Variants in DLG5 observed in about 807,000 individuals in gnomAD.
DLG5 encodes the protein discs large MAGUK scaffold protein 5.
A neutral mutation model predicts 189.8 loss-of-function variants in DLG5; 48 were observed. That is an observed-to-expected ratio of 0.25 (90% CI 0.20 to 0.32). The LOEUF is 0.32. Among genes scored for constraint, DLG5 ranks in the 10% least tolerant of loss-of-function variants. DLG5 has a pLI of 1.00. For missense variants in DLG5, 2,160 were observed against 2,544.7 expected (o/e 0.85, Z 3.25); for synonymous variants, 1,016 against 1,054.1 (o/e 0.96, Z 0.70).
At chr10:77,897,291 G>A (rs541380329) in intron 1 of DLG5, among the ~76,000 whole-genome samples, 1 of 152,072 alleles carries the variant, frequency 6.6e-6, no homozygotes, top group East Asian at 1.9e-4. Context: ...GGGAGGCGAA[G>A]GTTGCAGTGA....
At chr10:77,824,567 G>C in intron 13 of DLG5, 91 bp from the exon 14 acceptor site, 1 of 1,013,310 alleles carries the variant, frequency 9.9e-7, no homozygotes, top group Non-Finnish European at 1.5e-6. Flanking sequence ...TCCTGTGCTA[G>C]ACAGTCACCA....
chr10:77,893,291 C>T (rs939626656), intron 1 of DLG5, among the ~76,000 whole-genome samples: 9 of 152,174 alleles, frequency 5.9e-5, no homozygotes, highest in African/African-American at 1.9e-4. Flanking sequence ...TATACTTAAG[C>T]GGGACTGTCA....
chr10:77,880,582 A>G (rs1845248024), intron 1 of DLG5, among the ~76,000 whole-genome samples: 1 of 151,848 alleles, frequency 6.6e-6, no homozygotes, highest in Non-Finnish European at 1.5e-5. Context: ...AATCCTCCCG[A>G]CTCCTGATCA....
intron 20 of DLG5, among the ~76,000 whole-genome samples, chr10:77,815,307 G>T (rs1049582808): frequency 6.6e-6 from 1 of 152,182 alleles, no homozygotes; most frequent in Non-Finnish European, 1.5e-5. Flanking sequence ...CTGTCCTTCC[G>T]TTACCCCTCA....
the DLG5 span, among the ~76,000 whole-genome samples, chr10:77,940,605 C>T: frequency 6.6e-6 from 1 of 152,128 alleles, no homozygotes; most frequent in African/African-American, 2.4e-5. Flanking sequence ...GGCACATCTA[C>T]ATGCCCAGTT....
At chr10:77,840,672 T>C (rs1343922844) in intron 7 of DLG5, among the ~76,000 whole-genome samples, 4 of 152,182 alleles carry the variant, frequency 2.6e-5, no homozygotes, top group South Asian at 2.1e-4. Flanking sequence ...TGAGCCGAGA[T>C]TGCGCCACTG....
intron 18 of DLG5, 98 bp downstream of exon 18, chr10:77,817,679 C>T (rs1357326566): frequency 1.1e-4 from 114 of 1,059,336 alleles, no homozygotes; most frequent in Non-Finnish European, 1.2e-4. Context: ...GACAGGAGCT[C>T]GTGTGGGGAG....
At position 77,819,876 on chromosome 10, in the gene DLG5, C is replaced by A; in HGVS notation, c.3526+19G>T. 3.2e-6 allele frequency: 5 copies of A among 1,539,734 alleles called. No individual in the cohort carries two copies. Among genetic ancestry groups the A allele is most frequent in the Non-Finnish European group, 4.4e-6 (5 of 1,146,648 alleles). Reference sequence around the variant, plus strand: ...GTTTACACCGACCCTCAGCCCCAGCCCCTGGCTGGCTGACTCACCCACAGA... The same window carrying A: ...GTTTACACCGACCCTCAGCCCCAGCACCTGGCTGGCTGACTCACCCACAGA... On this transcript the variant is annotated intron_variant, in intron 16 of 31. Coordinates refer to ENST00000372391, the MANE Select transcript of DLG5 (RefSeq NM_004747.4).
At chr10:77,825,393 C>CACACACACACACACAT (rs1260101597) in intron 13 of DLG5, among the ~76,000 whole-genome samples, 3 of 151,134 alleles carry the variant, frequency 2.0e-5, no homozygotes, top group Non-Finnish European at 4.4e-5. Flanking sequence ...CACACACACA[C>CACACACACACACACAT]ACACACACAC....
In DLG5 at chr10:77,835,711, C is replaced by A. The variant is rs569816379; in HGVS notation, c.1622+27G>T. ...CCCCTCATCCTGGGGAGACGCAAGC[C>A]CACGCCAGCTTGAGGTCACCCCATA... is the stretch of plus-strand genomic sequence containing the variant. On this transcript the variant is annotated intron_variant, in intron 8 of 31. Coordinates refer to ENST00000372391, the MANE Select transcript of DLG5 (RefSeq NM_004747.4). 4.4e-6 allele frequency: 7 copies of A among 1,589,114 alleles called. No individual in the cohort carries two copies. In the East Asian group the frequency reaches 1.3e-4, roughly 31 times the overall value.
At chr10:77,800,748 AAAGC>A (rs1315946898) in intron 27 of DLG5, among the ~76,000 whole-genome samples, 1 of 152,234 alleles carries the variant, frequency 6.6e-6, no homozygotes, top group African/African-American at 2.4e-5. Context: ...TAAGCTGTGA[AAAGC>A]AAGAAGCTAA....
intron 9 of DLG5, among the ~76,000 whole-genome samples, chr10:77,832,125 C>T (rs188378490): frequency 6.6e-6 from 1 of 152,216 alleles, no homozygotes; most frequent in East Asian, 1.9e-4. Context: ...CAAGAATCAC[C>T]TGAACCCAGG....
At chr10:77,902,026 T>C (rs1845941805) in intron 1 of DLG5, among the ~76,000 whole-genome samples, 1 of 152,236 alleles carries the variant, frequency 6.6e-6, no homozygotes, top group South Asian at 2.1e-4. Flanking sequence ...GCCAAGTCCC[T>C]AAACTGAGCT....
At chr10:77,815,361 A>G (rs1014930190) in intron 20 of DLG5, among the ~76,000 whole-genome samples, 1 of 152,168 alleles carries the variant, frequency 6.6e-6, no homozygotes, top group Non-Finnish European at 1.5e-5. Flanking sequence ...TTTCAAGTCA[A>G]ATATAAGATT....
chr10:77,912,971 C>T (rs1846266087), intron 1 of DLG5, among the ~76,000 whole-genome samples: 1 of 152,204 alleles, frequency 6.6e-6, no homozygotes, highest in Non-Finnish European at 1.5e-5. Flanking sequence ...AGGCCACAAG[C>T]TCAAGGGACA....
At chr10:77,844,386 C>T (rs148855496) in intron 5 of DLG5, among the ~76,000 whole-genome samples, 2 of 152,326 alleles carry the variant, frequency 1.3e-5, no homozygotes, top group East Asian at 3.9e-4. Context: ...GCCGACTTTG[C>T]TCTGTGTACT....
intron 1 of DLG5, among the ~76,000 whole-genome samples, chr10:77,877,048 C>T (rs1245881729): frequency 6.6e-6 from 1 of 152,062 alleles, no homozygotes; most frequent in Non-Finnish European, 1.5e-5. Context: ...TTCCTTAACA[C>T]ATTCCCTAAC....
At chr10:77,823,759 G>A (rs967357874) in intron 14 of DLG5, among the ~76,000 whole-genome samples, 3 of 152,018 alleles carry the variant, frequency 2.0e-5, no homozygotes, top group African/African-American at 2.4e-5. Flanking sequence ...TCGAACTCCC[G>A]ACCTCAGGTG....
intron 1 of DLG5, among the ~76,000 whole-genome samples, chr10:77,900,793 G>T (rs1845902202): frequency 6.6e-6 from 1 of 152,232 alleles, no homozygotes; most frequent in African/African-American, 2.4e-5. Flanking sequence ...AAATTAGCCA[G>T]ATGTGATGAC....
Sources: gnomAD v4.1 joint callset for allele counts (sites outside exome capture counted in the v4.1 genomes callset) on GRCh38, gnomAD v4.1.1 for gene constraint, MANE v1.5 for transcripts, NCBI Gene and HGNC (gene_info 2026-07-23, HGNC 2026-07-21) for gene names.